The following SFXN1 variants were observed in gnomAD, a reference collection of about 807,000 sequenced individuals.
SFXN1 encodes the protein sideroflexin-1.
Under a neutral mutation model 39.5 loss-of-function variants are expected in SFXN1, and 32 were observed. That is an observed-to-expected ratio of 0.81 (90% CI 0.61 to 1.09). The LOEUF is 1.09. Ranked by LOEUF, SFXN1 falls within the 50% of genes least tolerant of loss-of-function variation. SFXN1 has a pLI of 0.00. For missense variants in SFXN1, 402 were observed against 407.1 expected (o/e 0.99, Z 0.11); for synonymous variants, 136 against 146.5 (o/e 0.93, Z 0.52).
At chr5:175,485,972 C>T (rs907612303) in intron 1 of SFXN1, among the ~76,000 whole-genome samples, 2 of 152,168 alleles carry the variant, frequency 1.3e-5, no homozygotes, top group Admixed American at 6.5e-5. Context: ...CAAGCTTAGG[C>T]CAGCATCTAG....
intron 10 of SFXN1, chr5:175,524,120 AAAAAAATATATATATATATATATATAT>A (rs1372537082): frequency 0.026 from 995 of 38,052 alleles, 60 homozygotes; most frequent in African/African-American, 0.11. Flanking sequence ...AAAAAAAAAA[AAAAAAATATATATATATATATATATAT>A]ATATATATAT....
rs1229602509 is a variant in SFXN1 at position 175,526,763 on chromosome 5, C to T, written c.*29C>T. On this transcript the variant is annotated 3_prime_UTR_variant, in exon 11 of 11. Coordinates refer to ENST00000321442, the MANE Select transcript of SFXN1 (RefSeq NM_022754.7). ...AGGGAGGAAACCTCTGCAGCTCATT[C>T]TGCCACTGCAAAGCTGGTGTAGCCA... The T allele has an allele frequency of 6.4e-7, 1 of 1,562,752 alleles. No individual in the cohort carries two copies. The highest frequency in any genetic ancestry group is 1.1e-5 in the South Asian group (1 of 89,828).
chr5:175,506,043 C>A (rs772741104), intron 2 of SFXN1, among the ~76,000 whole-genome samples: 2 of 152,150 alleles, frequency 1.3e-5, no homozygotes, highest in African/African-American at 2.4e-5. Context: ...GTGTCAAACT[C>A]CTGACCTCAG....
intron 10 of SFXN1, 190 bp downstream of exon 10, chr5:175,522,612 A>C: frequency 1.9e-6 from 1 of 519,608 alleles, no homozygotes; most frequent in Non-Finnish European, 3.4e-6. Flanking sequence ...AGATGCACCC[A>C]GCTCTTTTCT....
intron 1 of SFXN1, among the ~76,000 whole-genome samples, chr5:175,480,920 G>C (rs1759225531): frequency 6.6e-6 from 1 of 152,180 alleles, no homozygotes; most frequent in Non-Finnish European, 1.5e-5. Flanking sequence ...TTTAAAAAGG[G>C]GGGAACAAAG....
chr5:175,495,334 A>G (rs1263053045), intron 2 of SFXN1, among the ~76,000 whole-genome samples: 3 of 152,156 alleles, frequency 2.0e-5, no homozygotes, highest in Non-Finnish European at 2.9e-5. Context: ...AATGGGGACA[A>G]AGTTTTAGTT....
chr5:175,522,016 T>TA (rs1760897340), intron 9 of SFXN1, 48 bp downstream of exon 9: 1 of 1,480,030 alleles, frequency 6.8e-7, no homozygotes, highest in African/African-American at 1.4e-5. Context: ...AAAATATAAA[T>TA]ACACAGCGTA....
intron 4 of SFXN1, 197 bp downstream of exon 4, chr5:175,510,404 T>A: frequency 1.8e-6 from 1 of 548,268 alleles, no homozygotes; most frequent in African/African-American, 1.9e-5. Context: ...AAGAAAACAG[T>A]CTTCTTCCAG....
chr5:175,489,039 A>G (rs1485149543), intron 1 of SFXN1, among the ~76,000 whole-genome samples: 1 of 152,196 alleles, frequency 6.6e-6, no homozygotes, highest in Non-Finnish European at 1.5e-5. Flanking sequence ...TTGTTCACCG[A>G]TGCGGCCCAA....
At chr5:175,488,002 A>G (rs2113268692) in intron 1 of SFXN1, among the ~76,000 whole-genome samples, 1 of 152,300 alleles carries the variant, frequency 6.6e-6, no homozygotes, top group South Asian at 2.1e-4. Flanking sequence ...TCTCTGCAGT[A>G]ACCTTGTCAC....
chr5:175,521,625 A>C (rs754309717), intron 8 of SFXN1, among the ~76,000 whole-genome samples: 17 of 152,172 alleles, frequency 1.1e-4, no homozygotes, highest in Non-Finnish European at 1.9e-4. Context: ...ATTACAATTA[A>C]ATGACAGCTA....
intron 10 of SFXN1, among the ~76,000 whole-genome samples, chr5:175,526,289 T>G (rs1581336527): frequency 6.6e-6 from 1 of 152,214 alleles, no homozygotes; most frequent in East Asian, 1.9e-4. Context: ...TGCAAATGAT[T>G]GATACGTTTT....
intron 4 of SFXN1, among the ~76,000 whole-genome samples, chr5:175,510,847 C>CA (rs1407860594): frequency 1.3e-5 from 2 of 152,106 alleles, no homozygotes; most frequent in African/African-American, 4.8e-5. Context: ...CTTTTGACAA[C>CA]ACATATTCTT....
chr5:175,521,811 C>A (rs564459337), intron 8 of SFXN1, 108 bp from the exon 9 acceptor site: 20 of 853,960 alleles, frequency 2.3e-5, no homozygotes, highest in African/African-American at 2.2e-4. Flanking sequence ...TAACCATGTT[C>A]TATCTGAATC....
intron 10 of SFXN1, 102 bp downstream of exon 10, chr5:175,522,524 A>C: frequency 8.3e-7 from 1 of 1,210,950 alleles, no homozygotes; most frequent in Non-Finnish European, 1.2e-6. Context: ...GGAAGTTGAG[A>C]CTCAAAAGAT....
Position 175,522,236 on chromosome 5 carries a change from A to G in SFXN1, c.825-139A>G, listed in dbSNP as rs1179160203. The G allele has an allele frequency of 1.4e-5, 12 of 863,458 alleles. No individual in the cohort carries two copies. In the East Asian group the frequency reaches 2.9e-4, roughly 21 times the overall value. 53.5% of individuals were successfully genotyped at this position (863,458 alleles called of 1,614,324 possible). On this transcript the variant is annotated intron_variant, in intron 9 of 10. Coordinates refer to ENST00000321442, the MANE Select transcript of SFXN1 (RefSeq NM_022754.7). ...CAATCCTAGGTAATAAAACTTACACAAACAGGACTTATTTTTGTTAGACAA... is the reference window on the plus strand; with the variant it reads ...CAATCCTAGGTAATAAAACTTACACGAACAGGACTTATTTTTGTTAGACAA...
intron 1 of SFXN1, among the ~76,000 whole-genome samples, chr5:175,482,198 G>A (rs939295337): frequency 1.3e-5 from 2 of 152,204 alleles, no homozygotes; most frequent in African/African-American, 2.4e-5. Context: ...CTGACCGGCT[G>A]TCTCACACCT....
chr5:175,492,573 C>T (rs1190001061), intron 2 of SFXN1: 4 of 225,486 alleles, frequency 1.8e-5, no homozygotes, highest in Non-Finnish European at 2.6e-5. Flanking sequence ...ACCTCCACTA[C>T]GACATCCACA....
At position 175,492,144 on chromosome 5, in the gene SFXN1, C is replaced by T; in HGVS notation, c.41C>T (p.Pro14Leu). The T allele has an allele frequency of 6.2e-7, 1 of 1,613,874 alleles. No individual in the cohort carries two copies. The highest frequency in any genetic ancestry group is 8.5e-7 in the Non-Finnish European group (1 of 1,179,928). The change falls in exon 2 of 11, where the codon CCT becomes CTT. Residue 14 changes from proline to leucine, a missense_variant. Transcript: ENST00000321442. ...ELPPNINIKE[P>L]RWDQSTFIGR... ...CCACCAAACATTAACATCAAGGAACCTCGATGGGATCAAAGCACTTTCATT... is the reference window on the plus strand; with the variant it reads ...CCACCAAACATTAACATCAAGGAACTTCGATGGGATCAAAGCACTTTCATT...
Sources: gnomAD v4.1 joint callset for allele counts (sites outside exome capture counted in the v4.1 genomes callset) on GRCh38, gnomAD v4.1.1 for gene constraint, MANE v1.5 for transcripts, NCBI Gene and HGNC (gene_info 2026-07-23, HGNC 2026-07-21) for gene names.